PCDH15: variants seen among roughly 807,000 people sequenced by gnomAD.
PCDH15 encodes protocadherin-15.
A neutral mutation model predicts 178.5 loss-of-function variants in PCDH15; 129 were observed. The ratio of observed to expected loss-of-function variants is 0.72; its 90% CI spans 0.63 to 0.84. PCDH15 has a LOEUF of 0.84. PCDH15 is among the 40% of genes least tolerant of loss of function. The pLI, the probability that PCDH15 is intolerant of heterozygous loss-of-function variation, is 0.00. For missense variants in PCDH15, 2,230 were observed against 2,099.9 expected, an observed-to-expected ratio of 1.06 and a Z score of -1.21; for synonymous variants, 800 against 732.0, an observed-to-expected ratio of 1.09 and a Z score of -1.50.
At chr10:55,508,547 A>G (rs1840811073) in intron 2 of PCDH15, among the ~76,000 whole-genome samples, 1 of 151,766 alleles carries the variant, frequency 6.6e-6, no homozygotes, top group South Asian at 2.1e-4. Context: ...GAATGTATAA[A>G]CCTGCAGATG....
chr10:55,434,843 A>C (rs1346206521), intron 2 of PCDH15, among the ~76,000 whole-genome samples: 2 of 152,170 alleles, frequency 1.3e-5, no homozygotes, highest in East Asian at 3.9e-4. Flanking sequence ...AGACCTTGTG[A>C]TCCACCGACC....
At chr10:54,582,119 T>TA (rs1260805771) in intron 2 of PCDH15, among the ~76,000 whole-genome samples, 1 of 151,998 alleles carries the variant, frequency 6.6e-6, no homozygotes, top group African/African-American at 2.4e-5. Flanking sequence ...AAAAAAATTT[T>TA]AAAAAGATCA....
intron 2 of PCDH15, among the ~76,000 whole-genome samples, chr10:55,153,658 C>A (rs1838798902): frequency 6.6e-6 from 1 of 152,076 alleles, no homozygotes. Flanking sequence ...TTGTTCACTA[C>A]CTTCATAGGT....
chr10:54,486,972 T>C (rs1248096102), intron 3 of PCDH15, among the ~76,000 whole-genome samples: 2 of 152,042 alleles, frequency 1.3e-5, no homozygotes, highest in East Asian at 1.9e-4. Context: ...TTCAGAGAGC[T>C]GCAGTACTAG....
chr10:55,522,395 C>A (rs1354000791), intron 2 of PCDH15, among the ~76,000 whole-genome samples: 1 of 151,592 alleles, frequency 6.6e-6, no homozygotes, highest in East Asian at 1.9e-4. Flanking sequence ...GATGATCTAT[C>A]CATTGATGAA....
At chr10:54,303,812 A>AATGC (rs1462646287) in intron 8 of PCDH15, among the ~76,000 whole-genome samples, 1 of 152,152 alleles carries the variant, frequency 6.6e-6, no homozygotes, top group Non-Finnish European at 1.5e-5. Flanking sequence ...TTTTGAACCC[A>AATGC]ATGCATGCAT....
chr10:54,706,734 G>A lies in PCDH15; in HGVS notation c.-28-42444C>T, dbSNP rs1310669907. 4.6e-5 allele frequency among the ~76,000 whole-genome samples: 7 copies of A among 152,128 alleles called. No homozygotes were observed. In the Middle Eastern group the frequency reaches 0.01, roughly 222 times the overall value. On this transcript the variant is annotated intron_variant, in intron 1 of 37. Coordinates refer to ENST00000644397, the MANE Select transcript of PCDH15 (RefSeq NM_001384140.1). ...CGCCTCCCAGGTTCAAACGATCCTC[G>A]TGCCTCAACCTCCTGAGTAGCTGGG...
At chr10:54,281,589 T>A (rs1432054830) in intron 8 of PCDH15, among the ~76,000 whole-genome samples, 1 of 152,020 alleles carries the variant, frequency 6.6e-6, no homozygotes, top group Non-Finnish European at 1.5e-5. Context: ...TTACTAAATG[T>A]GTTTAGGGTA....
chr10:55,188,667 T>C (rs542666537), intron 1 of PCDH15, among the ~76,000 whole-genome samples: 5 of 152,056 alleles, frequency 3.3e-5, no homozygotes, highest in African/African-American at 9.6e-5. Flanking sequence ...TTCCAAACTT[T>C]TACAGTATCC....
chr10:54,697,448 TTATGTTAG>T (rs2095244341), intron 1 of PCDH15, among the ~76,000 whole-genome samples: 1 of 151,668 alleles, frequency 6.6e-6, no homozygotes. Flanking sequence ...AACAGTTACA[TTATGTTAG>T]ACTTATATTT....
intron 18 of PCDH15, among the ~76,000 whole-genome samples, chr10:54,027,283 A>G (rs2093132799): frequency 6.7e-6 from 1 of 149,516 alleles, no homozygotes; most frequent in South Asian, 2.2e-4. Flanking sequence ...GCTCAAGGAA[A>G]TAAAAGAGGA....
At chr10:54,706,919 G>T (rs1274350456) in intron 1 of PCDH15, among the ~76,000 whole-genome samples, 1 of 152,192 alleles carries the variant, frequency 6.6e-6, no homozygotes, top group Admixed American at 6.5e-5. Flanking sequence ...ATGGCGCCCA[G>T]CCAGAAAGAC....
At chr10:55,626,028 G>A (rs1353587513) in intron 2 of PCDH15, among the ~76,000 whole-genome samples, 26 of 151,902 alleles carry the variant, frequency 1.7e-4, no homozygotes, top group Non-Finnish European at 5.9e-5. Flanking sequence ...TTTAATTCAG[G>A]GCAACCCAAC....
At chr10:54,864,268 G>A (rs192983856) in intron 3 of PCDH15, among the ~76,000 whole-genome samples, 134 of 152,214 alleles carry the variant, frequency 8.8e-4, no homozygotes, top group Non-Finnish European at 7.6e-4. Flanking sequence ...AGCAAAGAGC[G>A]TGAAGTGGAA....
intron 21 of PCDH15, among the ~76,000 whole-genome samples, chr10:53,971,081 T>G (rs2134438119): frequency 6.6e-6 from 1 of 152,262 alleles, no homozygotes; most frequent in South Asian, 2.1e-4. Flanking sequence ...TCAAGAAGCT[T>G]ATCCACCACA....
chr10:53,959,003 A>C (rs1292925231), intron 23 of PCDH15, among the ~76,000 whole-genome samples: 4 of 148,418 alleles, frequency 2.7e-5, no homozygotes, highest in East Asian at 2.0e-4. Flanking sequence ...AAAAAAAAAA[A>C]AGAACAGAAT....
At chr10:55,627,420 G>C (rs1837554661) in intron 2 of PCDH15, among the ~76,000 whole-genome samples, 1 of 152,030 alleles carries the variant, frequency 6.6e-6, no homozygotes, top group African/African-American at 2.4e-5. Flanking sequence ...ACACATACAT[G>C]TAAGGAGCGA....
At chr10:55,234,102 C>T (rs894715558) in intron 1 of PCDH15, among the ~76,000 whole-genome samples, 1 of 152,050 alleles carries the variant, frequency 6.6e-6, no homozygotes, top group Admixed American at 6.6e-5. Flanking sequence ...CACCCTTCCC[C>T]TCTTGACACG....
rs568564231 is a variant in PCDH15 at position 54,153,418 on chromosome 10, T to C, written c.1591-125A>G. 79 of 1,029,998 alleles carry C rather than the reference T, an allele frequency of 7.7e-5. 1 individual carries two copies. In the South Asian group the frequency reaches 1.0e-3, roughly 13 times the overall value. 63.8% of individuals were successfully genotyped at this position (1,029,998 alleles called of 1,614,324 possible). ...AACACAGGAAAGTTTCCTTGACATATATACTGTTTTTTGTTTTTTGTTTTT... is the reference window on the plus strand; with the variant it reads ...AACACAGGAAAGTTTCCTTGACATACATACTGTTTTTTGTTTTTTGTTTTT... On this transcript the variant is annotated intron_variant, in intron 13 of 37. Transcript: ENST00000644397.
Sources: gnomAD v4.1 joint callset for allele counts (sites outside exome capture counted in the v4.1 genomes callset) on GRCh38, gnomAD v4.1.1 for gene constraint, MANE v1.5 for transcripts, NCBI Gene and HGNC (gene_info 2026-07-23, HGNC 2026-07-21) for gene names.